Variants in FYB2 observed in about 807,000 individuals in gnomAD.
The protein encoded by FYB2 is FYN binding protein 2.
FYB2 carries 103 observed loss-of-function variants against 94.1 expected under a neutral mutation model. The observed-to-expected ratio is 1.09, with a 90% confidence interval of 0.93 to 1.29. The LOEUF is 1.29. Ranked by LOEUF, FYB2 falls within the 50% of genes most tolerant of loss-of-function variation. The probability of loss-of-function intolerance (pLI) is 0.00; values close to 1 mark genes in which losing one functional copy is unlikely to be tolerated. For synonymous variants in FYB2, 293 were observed against 287.9 expected, an observed-to-expected ratio of 1.02 and a Z score of -0.18; for missense variants, 896 against 841.5, an observed-to-expected ratio of 1.06 and a Z score of -0.80.
intron 1 of FYB2, among the ~76,000 whole-genome samples, chr1:56,814,240 GCAC>G (rs1051179312): frequency 6.6e-6 from 1 of 152,236 alleles, no homozygotes; most frequent in Admixed American, 6.5e-5. Flanking sequence ...TACAGGGCAG[GCAC>G]CAGAGTGCCT....
intron 1 of FYB2, among the ~76,000 whole-genome samples, chr1:56,803,608 A>G (rs1646570886): frequency 6.6e-6 from 1 of 152,224 alleles, no homozygotes; most frequent in Non-Finnish European, 1.5e-5. Context: ...ATTCCAGTCT[A>G]AAATGTCACT....
At chr1:56,759,283 T>C (rs1645430651) in intron 5 of FYB2, among the ~76,000 whole-genome samples, 1 of 152,180 alleles carries the variant, frequency 6.6e-6, no homozygotes, top group African/African-American at 2.4e-5. Context: ...TTAATTACAG[T>C]CATGCATCGC....
chr1:56,771,375 G>A (rs1645750608), intron 4 of FYB2, among the ~76,000 whole-genome samples: 1 of 152,072 alleles, frequency 6.6e-6, no homozygotes, highest in Non-Finnish European at 1.5e-5. Context: ...ATAACATAAG[G>A]TGTCATTTAT....
chr1:56,729,955 G>C (rs1644668564), intron 15 of FYB2, among the ~76,000 whole-genome samples: 1 of 151,758 alleles, frequency 6.6e-6, no homozygotes, highest in African/African-American at 2.4e-5. Flanking sequence ...AAGAAATTAA[G>C]GATAATACTT....
At chr1:56,769,224 G>T (rs538372616) in intron 4 of FYB2, among the ~76,000 whole-genome samples, 2 of 152,000 alleles carry the variant, frequency 1.3e-5, no homozygotes, top group Non-Finnish European at 2.9e-5. Context: ...TGTGTTTGTA[G>T]AAAGGAAGCC....
intron 4 of FYB2, among the ~76,000 whole-genome samples, chr1:56,786,962 T>G (rs756669170): frequency 1.3e-5 from 2 of 152,238 alleles, no homozygotes; most frequent in Non-Finnish European, 2.9e-5. Context: ...CTGAGGACTA[T>G]CTTTGCAACT....
At chr1:56,798,890 C>T (rs1646459996) in intron 1 of FYB2, among the ~76,000 whole-genome samples, 1 of 152,158 alleles carries the variant, frequency 6.6e-6, no homozygotes, top group Non-Finnish European at 1.5e-5. Context: ...TTCTGGAATC[C>T]TCTAACCCAA....
rs1644435304 is a variant in FYB2, at chr1:56,718,847, T to TC, written c.*823dup. The stretch of plus-strand genomic sequence containing the variant: ...TTCTCTTATTGACATGCAGTGCACC[T>TC]CATTTAAAAAACAGAATAGATGTCA... On this transcript the variant is annotated 3_prime_UTR_variant, in exon 20 of 20. Transcript: ENST00000343433. The TC allele has an allele frequency of 6.6e-6, 1 of 152,602 alleles. No homozygotes were observed. The highest frequency in any genetic ancestry group is 1.5e-5 in the Non-Finnish European group (1 of 68,014). The allele number at this position is 152,602 out of a possible 1,614,324, so 9.5% of individuals were successfully genotyped here.
intron 4 of FYB2, among the ~76,000 whole-genome samples, chr1:56,770,660 G>T (rs1023591143): frequency 1.3e-5 from 2 of 151,986 alleles, no homozygotes; most frequent in African/African-American, 2.4e-5. Context: ...AGTGAAAAAG[G>T]TTATTTTAAT....
intron 15 of FYB2, among the ~76,000 whole-genome samples, chr1:56,730,215 C>T (rs963358450): frequency 7.1e-6 from 1 of 140,636 alleles, no homozygotes; most frequent in African/African-American, 2.7e-5. Flanking sequence ...ATAAAAAATA[C>T]AAAAGATCAA....
chr1:56,803,942 A>G (rs1231789157), intron 1 of FYB2, among the ~76,000 whole-genome samples: 1 of 152,166 alleles, frequency 6.6e-6, no homozygotes. Flanking sequence ...CTCTTCTGGC[A>G]ATTGTTCTTA....
At chr1:56,765,017 C>T (rs954615894) in intron 5 of FYB2, among the ~76,000 whole-genome samples, 22 of 152,274 alleles carry the variant, frequency 1.4e-4, no homozygotes, top group Admixed American at 1.3e-3. Context: ...TAAATACCAT[C>T]GCATTGGGGG....
intron 9 of FYB2, among the ~76,000 whole-genome samples, chr1:56,747,303 T>C (rs1388554635): frequency 4.0e-5 from 6 of 151,838 alleles, no homozygotes; most frequent in Admixed American, 6.6e-5. Flanking sequence ...GTGCAGAATA[T>C]GCAGGTTAGT....
chr1:56,825,665 G>A, the FYB2 span, among the ~76,000 whole-genome samples: 13 of 152,084 alleles, frequency 8.5e-5, no homozygotes, highest in South Asian at 6.2e-4. Flanking sequence ...AATAACAAGC[G>A]CCCCCACTTT....
In FYB2 at chr1:56,738,764, C is replaced by A. The variant is rs145146145; in HGVS notation, c.1704-111G>T. ...ATGATGCTGGATTGCCCTTCTTGCC[C>A]TGGTATTCTCTGACTCCAAGTAAAA... On this transcript the variant is annotated intron_variant, in intron 13 of 19. Coordinates refer to ENST00000343433, the MANE Select transcript of FYB2 (RefSeq NM_001004303.5). 6.0e-5 allele frequency: 64 copies of A among 1,070,610 alleles called. No homozygotes were observed. In the African/African-American group the frequency reaches 8.3e-4, roughly 14 times the overall value. The allele number at this position is 1,070,610 out of a possible 1,614,324, so 66.3% of individuals were successfully genotyped here.
intron 5 of FYB2, among the ~76,000 whole-genome samples, chr1:56,759,757 T>C (rs1269939837): frequency 1.3e-5 from 2 of 152,102 alleles, no homozygotes; most frequent in Non-Finnish European, 2.9e-5. Context: ...GTACCTGCCT[T>C]ACAGAGTTAA....
chr1:56,757,715 TTTC>T (rs1645381111), intron 6 of FYB2, among the ~76,000 whole-genome samples: 2 of 102,012 alleles, frequency 2.0e-5, no homozygotes, highest in Admixed American at 1.3e-4. Flanking sequence ...TCTTTCTTTC[TTTC>T]TTTCTTTCTT....
At chr1:56,821,138 C>A (rs1041056546), upstream of FYB2, among the ~76,000 whole-genome samples, 2 of 152,198 alleles carry the variant, frequency 1.3e-5, no homozygotes, top group Non-Finnish European at 2.9e-5. Context: ...AGGAAGCTCT[C>A]GGGAGAACTT....
chr1:56,719,944 G>A, intron 19 of FYB2, 78 bp downstream of exon 19: 3 of 1,370,724 alleles, frequency 2.2e-6, no homozygotes, highest in Non-Finnish European at 3.0e-6. Context: ...AATAAATTCA[G>A]TAGTCTTCTC....
Sources: gnomAD v4.1 joint callset for allele counts (sites outside exome capture counted in the v4.1 genomes callset) on GRCh38, gnomAD v4.1.1 for gene constraint, MANE v1.5 for transcripts, NCBI Gene and HGNC (gene_info 2026-07-23, HGNC 2026-07-21) for gene names.